SAMD5: variants seen among roughly 807,000 people sequenced by gnomAD.
SAMD5 encodes the protein sterile alpha motif domain containing 5, also known as sterile alpha motif domain-containing protein 5.
In SAMD5, 13 loss-of-function variants were observed where a neutral mutation model predicts 11.3. The ratio of observed to expected loss-of-function variants is 1.15; its 90% CI spans 0.75 to 1.83. The LOEUF is 1.83. SAMD5 is among the 40% of genes most tolerant of loss of function. The pLI, the probability that SAMD5 is intolerant of heterozygous loss-of-function variation, is 0.00. For synonymous variants in SAMD5, 129 were observed against 111.3 expected, an observed-to-expected ratio of 1.16 and a Z score of -1.00; for missense variants, 255 against 239.1, an observed-to-expected ratio of 1.07 and a Z score of -0.44.
the SAMD5 span, among the ~76,000 whole-genome samples, chr6:147,773,077 C>G: frequency 7.2e-5 from 11 of 152,234 alleles, no homozygotes; most frequent in African/African-American, 2.7e-4. Context: ...CCAGTACTCT[C>G]AACCACTGGC....
the SAMD5 span, among the ~76,000 whole-genome samples, chr6:147,883,216 C>T: frequency 3.9e-5 from 6 of 152,188 alleles, no homozygotes; most frequent in East Asian, 7.7e-4. Flanking sequence ...TCATTTATAC[C>T]AGAGTCTAGC....
intron 1 of SAMD5, among the ~76,000 whole-genome samples, chr6:147,735,703 T>G (rs1261579869): frequency 6.6e-6 from 1 of 152,136 alleles, no homozygotes; most frequent in Non-Finnish European, 1.5e-5. Flanking sequence ...AGGAGGGAGT[T>G]TCACTGGGAT....
the SAMD5 span, among the ~76,000 whole-genome samples, chr6:147,859,826 T>C: frequency 6.6e-6 from 1 of 152,310 alleles, no homozygotes; most frequent in Non-Finnish European, 1.5e-5. Context: ...CTGGCATTCA[T>C]TTACTGGAAT....
intron 1 of SAMD5, among the ~76,000 whole-genome samples, chr6:147,606,690 G>GAAATAT (rs962303599): frequency 4.6e-5 from 7 of 151,440 alleles, no homozygotes; most frequent in African/African-American, 1.7e-4. Context: ...ACTAGTCTAA[G>GAAATAT]AAATATAAAT....
intron 1 of SAMD5, 121 bp downstream of exon 1, chr6:147,509,508 T>A: frequency 1.3e-6 from 1 of 774,722 alleles, no homozygotes; most frequent in South Asian, 1.9e-5. Flanking sequence ...AGGCTTTGGG[T>A]ATCTGGGACC....
the SAMD5 span, among the ~76,000 whole-genome samples, chr6:147,841,213 G>A: frequency 6.6e-6 from 1 of 152,104 alleles, no homozygotes; most frequent in Non-Finnish European, 1.5e-5. Flanking sequence ...ATCCAGAGGA[G>A]CATTTCTTGG....
At chr6:147,785,207 G>T in the SAMD5 span, among the ~76,000 whole-genome samples, 1 of 152,148 alleles carries the variant, frequency 6.6e-6, no homozygotes, top group East Asian at 1.9e-4. Flanking sequence ...CTTCCAGTTA[G>T]AAAATGAAAA....
intron 1 of SAMD5, among the ~76,000 whole-genome samples, chr6:147,682,746 G>T (rs1790957878): frequency 1.3e-5 from 2 of 149,660 alleles, no homozygotes; most frequent in South Asian, 4.3e-4. Context: ...ATCCTTACTG[G>T]TCTTTACATT....
chr6:147,819,018 A>G, the SAMD5 span, among the ~76,000 whole-genome samples: 8 of 152,222 alleles, frequency 5.3e-5, no homozygotes, highest in Non-Finnish European at 1.0e-4. Flanking sequence ...CCATAAAGAC[A>G]CATGCATGCA....
At chr6:147,651,657 C>T (rs894536180) in intron 1 of SAMD5, among the ~76,000 whole-genome samples, 3 of 152,178 alleles carry the variant, frequency 2.0e-5, no homozygotes, top group South Asian at 2.1e-4. Flanking sequence ...CTCTGATTCC[C>T]CAGCCTTCAG....
In SAMD5 at chr6:147,566,350, A is replaced by G. The variant is rs1789040538; in HGVS notation, c.*1894A>G. On this transcript the variant is annotated 3_prime_UTR_variant, in exon 2 of 2. Transcript: ENST00000367474. ...TCCTAAGTAGATTCTTTTGAGTGGT[A>G]GGGGAGTCTGTATAGATTACAGATA... is the stretch of plus-strand genomic sequence containing the variant. The G allele has an allele frequency of 1.8e-5, 18 of 982,268 alleles. No homozygotes were observed. The highest frequency in any genetic ancestry group is 2.1e-5 in the Non-Finnish European group (17 of 827,124). The allele number at this position is 982,268 out of a possible 1,614,324, so 60.8% of individuals were successfully genotyped here.
intron 1 of SAMD5, among the ~76,000 whole-genome samples, chr6:147,526,373 C>T (rs1199770621): frequency 6.6e-6 from 1 of 152,120 alleles, no homozygotes; most frequent in Non-Finnish European, 1.5e-5. Flanking sequence ...ATGAATGTGC[C>T]CTAATGGAAA....
the SAMD5 span, among the ~76,000 whole-genome samples, chr6:147,805,232 A>G: frequency 2.0e-5 from 3 of 152,232 alleles, no homozygotes; most frequent in Admixed American, 6.5e-5. Context: ...TTCTGTAAAT[A>G]TTAATTACAG....
At chr6:147,760,283 T>A in the SAMD5 span, among the ~76,000 whole-genome samples, 1 of 152,200 alleles carries the variant, frequency 6.6e-6, no homozygotes, top group African/African-American at 2.4e-5. Context: ...TTGAGGTATA[T>A]GTTTGGATGT....
chr6:147,684,026 A>G (rs1236416057), intron 1 of SAMD5, among the ~76,000 whole-genome samples: 3 of 152,192 alleles, frequency 2.0e-5, no homozygotes, highest in South Asian at 4.1e-4. Flanking sequence ...TTGATCAGTT[A>G]TCACAAGGTG....
At chr6:147,780,225 G>C in the SAMD5 span, among the ~76,000 whole-genome samples, 2 of 150,486 alleles carry the variant, frequency 1.3e-5, no homozygotes, top group African/African-American at 4.9e-5. Flanking sequence ...TTTTAAGACA[G>C]AGTCTCGCTC....
Position 147,711,665 on chromosome 6 carries a change from A to G in SAMD5, c.163-25652A>G, listed in dbSNP as rs1020164342. On this transcript the variant is annotated intron_variant, in intron 1 of 1. Transcript: ENST00000566741. This position sits in a 1 kb window ranked among gnomAD's most constrained non-coding sequence, Gnocchi z 4.1. ...TGGAAAATAGTGGTTTGCATTCTTC[A>G]AAGGGGTCATTGCTGAATTTGTAAT... is the stretch of plus-strand genomic sequence containing the variant. Among the ~76,000 whole-genome samples, 1 of 152,220 alleles carries G rather than the reference A, an allele frequency of 6.6e-6. No homozygotes were observed. The highest frequency in any genetic ancestry group is 2.4e-5 in the African/African-American group (1 of 41,458).
At chr6:147,594,352 TTAACAGC>T (rs777811765) in intron 1 of SAMD5, among the ~76,000 whole-genome samples, 3 of 152,158 alleles carry the variant, frequency 2.0e-5, no homozygotes, top group Non-Finnish European at 2.9e-5. Context: ...TTCCTTTTTG[TTAACAGC>T]TGTTGTAAAA....
In SAMD5 at chr6:147,565,934, T is replaced by C. The variant is rs1789032888; in HGVS notation, c.*1478T>C. ...TTACGGAATCTACTACTTAGAAGAATGTACAAGATGTAAGTTCCCATCGGC... is the reference window on the plus strand; with the variant it reads ...TTACGGAATCTACTACTTAGAAGAACGTACAAGATGTAAGTTCCCATCGGC... On this transcript the variant is annotated 3_prime_UTR_variant, in exon 2 of 2. Transcript: ENST00000367474. 1.0e-6 allele frequency: 1 copy of C among 985,334 alleles called. No homozygotes were observed. Among genetic ancestry groups the C allele is most frequent in the Non-Finnish European group, 1.2e-6 (1 of 829,890 alleles). 61.0% of individuals were successfully genotyped at this position (985,334 alleles called of 1,614,324 possible).
Sources: allele counts gnomAD v4.1 joint callset (sites outside exome capture counted in the v4.1 genomes callset), GRCh38; gene constraint gnomAD v4.1.1; non-coding constraint Gnocchi (gnomAD v3.1); transcripts MANE v1.5; gene names NCBI Gene and HGNC (gene_info 2026-07-23, HGNC 2026-07-21).